Variants in SEC22A observed in about 807,000 individuals in gnomAD.
The protein encoded by SEC22A is vesicle-trafficking protein SEC22a.
A neutral mutation model predicts 35.3 loss-of-function variants in SEC22A; 22 were observed. That is an observed-to-expected ratio of 0.62 (90% CI 0.45 to 0.89). The LOEUF (loss-of-function observed/expected upper bound fraction) is 0.89. Ranked by LOEUF, SEC22A falls within the 40% of genes least tolerant of loss-of-function variation. The probability of loss-of-function intolerance (pLI) is 0.00; values close to 1 mark genes in which losing one functional copy is unlikely to be tolerated. For synonymous variants in SEC22A, 119 were observed against 129.5 expected, an observed-to-expected ratio of 0.92 and a Z score of 0.55; for missense variants, 354 against 362.5, an observed-to-expected ratio of 0.98 and a Z score of 0.19.
intron 5 of SEC22A, among the ~76,000 whole-genome samples, chr3:123,252,667 A>C (rs1351475355): frequency 6.6e-6 from 1 of 152,218 alleles, no homozygotes; most frequent in Non-Finnish European, 1.5e-5. Context: ...CTTGAGGCTC[A>C]TTTAAATTTG....
At chr3:123,269,215 G>GTGTGTATATATA (rs10642998) in intron 6 of SEC22A, among the ~76,000 whole-genome samples, 9 of 136,782 alleles carry the variant, frequency 6.6e-5, no homozygotes, top group African/African-American at 1.4e-4. Context: ...GTGTGTGTGT[G>GTGTGTATATATA]TATATATTAC....
At chr3:123,249,747 C>T (rs909173003) in intron 5 of SEC22A, among the ~76,000 whole-genome samples, 4 of 152,110 alleles carry the variant, frequency 2.6e-5, no homozygotes, top group African/African-American at 7.2e-5. Flanking sequence ...TGGTCTCGAA[C>T]TCCTGACCTC....
At chr3:123,208,822 T>G in intron 1 of SEC22A, 1 of 193,268 alleles carries the variant, frequency 5.2e-6, no homozygotes, top group Non-Finnish European at 1.1e-5. Flanking sequence ...TGAGACGGAG[T>G]CTCACTCTGT....
chr3:123,206,267 A>AT (rs575263656), intron 1 of SEC22A, among the ~76,000 whole-genome samples: 31 of 151,836 alleles, frequency 2.0e-4, no homozygotes, highest in East Asian at 7.7e-4. Context: ...CTGATTTTTA[A>AT]TTTTTTTTAT....
intron 6 of SEC22A, among the ~76,000 whole-genome samples, chr3:123,265,819 CT>C (rs562914665): frequency 7.9e-4 from 120 of 152,250 alleles, no homozygotes; most frequent in Middle Eastern, 3.4e-3. Flanking sequence ...CATTAAATTG[CT>C]TTTGCACCTT....
At chr3:123,224,423 T>C (rs1196662594) in intron 3 of SEC22A, among the ~76,000 whole-genome samples, 1 of 152,222 alleles carries the variant, frequency 6.6e-6, no homozygotes, top group Non-Finnish European at 1.5e-5. Context: ...ATGCAACTTC[T>C]AGTGTGTGTT....
chr3:123,203,077 T>C (rs1936782623), intron 1 of SEC22A, among the ~76,000 whole-genome samples: 1 of 132,266 alleles, frequency 7.6e-6, no homozygotes, highest in Non-Finnish European at 1.6e-5. Flanking sequence ...TTTTTTTTTT[T>C]TTTTTTTTTT....
At chr3:123,203,286 C>T (rs551601631) in intron 1 of SEC22A, among the ~76,000 whole-genome samples, 1 of 151,882 alleles carries the variant, frequency 6.6e-6, no homozygotes, top group African/African-American at 2.4e-5. Context: ...CTTGAATTTC[C>T]TCAAAGGTAA....
At chr3:123,205,020 C>T (rs1235622656) in intron 1 of SEC22A, among the ~76,000 whole-genome samples, 1 of 151,976 alleles carries the variant, frequency 6.6e-6, no homozygotes, top group African/African-American at 2.4e-5. Flanking sequence ...ATTTCCTTTT[C>T]TGCTAGCACA....
At position 123,259,540 on chromosome 3, in the gene SEC22A, T is replaced by G; in HGVS notation, c.674T>G (p.Phe225Cys). 2 of 1,613,308 alleles carry G rather than the reference T, an allele frequency of 1.2e-6. No homozygotes were observed. The highest frequency in any genetic ancestry group is 1.7e-6 in the Non-Finnish European group (2 of 1,179,492). ...ESLLQSDGDD[F>C]NYIIAFFLGT... is the part of the protein sequence containing the mutation. ...CTTTTGCAGAGTGATGGTGATGATT[T>G]TAATTACATCATTGCATTTTTCCTT... is the stretch of plus-strand genomic sequence containing the variant. The change falls in exon 6 of 7, where the codon TTT becomes TGT. Residue 225 changes from phenylalanine (F) to cysteine (C), a missense_variant. Transcript: ENST00000492595.
intron 2 of SEC22A, among the ~76,000 whole-genome samples, chr3:123,213,820 A>T (rs1390888163): frequency 6.6e-6 from 1 of 152,198 alleles, no homozygotes; most frequent in Non-Finnish European, 1.5e-5. Context: ...CTCACATTAA[A>T]TTCTAGTTGA....
intron 4 of SEC22A, among the ~76,000 whole-genome samples, chr3:123,229,690 C>T (rs549888324): frequency 2.0e-5 from 3 of 151,992 alleles, no homozygotes; most frequent in Non-Finnish European, 4.4e-5. Context: ...GGTGAAACCC[C>T]GTCTCTACCT....
At chr3:123,206,493 T>C (rs1936855010) in intron 1 of SEC22A, among the ~76,000 whole-genome samples, 1 of 152,338 alleles carries the variant, frequency 6.6e-6, no homozygotes, top group East Asian at 1.9e-4. Context: ...AGTTTTATAG[T>C]TAAATAATAA....
intron 2 of SEC22A, among the ~76,000 whole-genome samples, chr3:123,220,894 A>ATATATATATATATATATATG (rs1559753294): frequency 4.1e-5 from 6 of 145,208 alleles, no homozygotes; most frequent in Non-Finnish European, 6.1e-5. Flanking sequence ...ATATATATAT[A>ATATATATATATATATATATG]TATGTCACAT....
chr3:123,229,875 AAATAAT>A (rs146856118), intron 4 of SEC22A, among the ~76,000 whole-genome samples: 1 of 150,858 alleles, frequency 6.6e-6, no homozygotes, highest in African/African-American at 2.4e-5. Flanking sequence ...AAAAAAAAAT[AAATAAT>A]AATAATAATG....
intron 1 of SEC22A, among the ~76,000 whole-genome samples, chr3:123,205,479 A>G (rs1936835569): frequency 6.6e-6 from 1 of 152,120 alleles, no homozygotes. Flanking sequence ...ACTTGAGGTC[A>G]GAATTTGAGA....
chr3:123,259,520 G>A lies in SEC22A; in HGVS notation c.658-4G>A. ...AAAAATAATCTTTTATTTTGCTTTT[G>A]CAGAGTGATGGTGATGATTTTAATT... On this transcript the variant is annotated splice_region_variant and splice_polypyrimidine_tract_variant and intron_variant, in intron 5 of 6. Transcript: ENST00000492595. The A allele has an allele frequency of 6.2e-7, 1 of 1,609,140 alleles. No homozygotes were observed. Among genetic ancestry groups the A allele is most frequent in the Non-Finnish European group, 8.5e-7 (1 of 1,176,342 alleles).
At chr3:123,265,153 T>A (rs185792864) in intron 6 of SEC22A, among the ~76,000 whole-genome samples, 1 of 152,312 alleles carries the variant, frequency 6.6e-6, no homozygotes, top group African/African-American at 2.4e-5. Flanking sequence ...TATAACAGCA[T>A]TAACATTGTG....
At chr3:123,222,298 A>G (rs1937138352) in intron 2 of SEC22A, among the ~76,000 whole-genome samples, 1 of 152,036 alleles carries the variant, frequency 6.6e-6, no homozygotes, top group South Asian at 2.1e-4. Flanking sequence ...TCCTGGGTTC[A>G]AACGATTCTC....
Sources: allele counts gnomAD v4.1 joint callset (sites outside exome capture counted in the v4.1 genomes callset), GRCh38; gene constraint gnomAD v4.1.1; transcripts MANE v1.5; gene names NCBI Gene and HGNC (gene_info 2026-07-23, HGNC 2026-07-21).